Variants in ARPC1A observed in about 807,000 individuals in gnomAD.
The protein encoded by ARPC1A is actin-related protein 2/3 complex subunit 1A.
A neutral mutation model predicts 46.9 loss-of-function variants in ARPC1A; 8 were observed. The observed-to-expected ratio is 0.17, with a 90% CI of 0.10 to 0.31. The LOEUF (loss-of-function observed/expected upper bound fraction) is 0.31. Among genes scored for constraint, ARPC1A ranks in the 10% least tolerant of loss-of-function variants. The pLI, the probability that ARPC1A is intolerant of heterozygous loss-of-function variation, is 1.00. For missense variants in ARPC1A, 286 were observed against 483.6 expected (o/e 0.59, Z 3.83); for synonymous variants, 152 against 169.0 (o/e 0.90, Z 0.78).
At chr7:99,339,318 C>T (rs147612837) in intron 3 of ARPC1A, among the ~76,000 whole-genome samples, 18 of 152,224 alleles carry the variant, frequency 1.2e-4, no homozygotes, top group African/African-American at 4.1e-4. Flanking sequence ...GAGGCTGAGG[C>T]GGGAGGATCG....
intron 1 of ARPC1A, among the ~76,000 whole-genome samples, chr7:99,326,262 A>G (rs567764978): frequency 1.5e-3 from 222 of 152,236 alleles, no homozygotes; most frequent in South Asian, 5.4e-3. Flanking sequence ...CTGCGCCCCC[A>G]GGGTCCTACT....
At chr7:99,358,186 G>A (rs1384609942) in intron 6 of ARPC1A, among the ~76,000 whole-genome samples, 154 bp from the exon 7 acceptor site, 1 of 152,190 alleles carries the variant, frequency 6.6e-6, no homozygotes, top group Non-Finnish European at 1.5e-5. Flanking sequence ...TGTCTTGAGA[G>A]GCCTGCAAGT....
At chr7:99,353,838 C>G in intron 5 of ARPC1A, 71 bp from the exon 6 acceptor site, 1 of 1,426,538 alleles carries the variant, frequency 7.0e-7, no homozygotes. Flanking sequence ...CTTGTGGCAG[C>G]TGCCTATGGC....
chr7:99,364,602 G>A (rs1793800752), intron 9 of ARPC1A, among the ~76,000 whole-genome samples: 1 of 151,920 alleles, frequency 6.6e-6, no homozygotes, highest in Non-Finnish European at 1.5e-5. Context: ...AAAGTCATCC[G>A]CAGAAGAACG....
intron 7 of ARPC1A, among the ~76,000 whole-genome samples, chr7:99,359,045 A>C (rs1390105605): frequency 2.8e-5 from 4 of 144,724 alleles, no homozygotes; most frequent in African/African-American, 5.2e-5. Flanking sequence ...GTTAGCCAGG[A>C]TGGTCTCAAT....
chr7:99,358,207 G>A, intron 6 of ARPC1A, 133 bp from the exon 7 acceptor site: 1 of 817,264 alleles, frequency 1.2e-6, no homozygotes, highest in Non-Finnish European at 1.9e-6. Context: ...TGAGGTCAGG[G>A]GCTCCTTTTC....
chr7:99,350,631 CTTTTTTTTT>C (rs540737612), intron 5 of ARPC1A, among the ~76,000 whole-genome samples: 4 of 67,568 alleles, frequency 5.9e-5, no homozygotes, highest in Non-Finnish European at 9.3e-5. Flanking sequence ...ATGAGGTGCA[CTTTTTTTTT>C]TTTTTTTTTT....
intron 3 of ARPC1A, among the ~76,000 whole-genome samples, chr7:99,340,527 C>T (rs539863218): frequency 5.3e-5 from 8 of 152,250 alleles, no homozygotes; most frequent in African/African-American, 1.7e-4. Flanking sequence ...ACTACAGCCT[C>T]AACCTCTTGG....
intron 7 of ARPC1A, 175 bp downstream of exon 7, chr7:99,358,590 G>A (rs1793683120): frequency 3.4e-6 from 2 of 580,000 alleles, no homozygotes; most frequent in Admixed American, 3.3e-5. Context: ...TGCCCAGGCT[G>A]GAGTGCAATG....
intron 8 of ARPC1A, among the ~76,000 whole-genome samples, chr7:99,360,940 CAAA>C (rs34464636): frequency 1.2e-5 from 1 of 80,190 alleles, no homozygotes; most frequent in Admixed American, 1.4e-4. Flanking sequence ...GACTCCGTCT[CAAA>C]AAAAAAAAAA....
At chr7:99,362,342 T>TCCC (rs1414184210) in intron 8 of ARPC1A, among the ~76,000 whole-genome samples, 1 of 145,424 alleles carries the variant, frequency 6.9e-6, no homozygotes. Context: ...CCCCCTTTTT[T>TCCC]TTTTTTTTTT....
At chr7:99,338,844 G>A (rs1793311626) in intron 3 of ARPC1A, among the ~76,000 whole-genome samples, 1 of 152,150 alleles carries the variant, frequency 6.6e-6, no homozygotes, top group Non-Finnish European at 1.5e-5. Context: ...GGACTAAAGA[G>A]CTAAAATTAG....
intron 8 of ARPC1A, among the ~76,000 whole-genome samples, chr7:99,361,649 G>A (rs1584388247): frequency 6.6e-6 from 1 of 152,150 alleles, no homozygotes; most frequent in Admixed American, 6.6e-5. Context: ...GTTAAGGAAA[G>A]AAAAAGCTCT....
intron 6 of ARPC1A, among the ~76,000 whole-genome samples, chr7:99,357,232 T>C (rs1793651553): frequency 1.3e-5 from 2 of 152,134 alleles, no homozygotes; most frequent in Admixed American, 1.3e-4. Flanking sequence ...ACCTTTCCAC[T>C]CCTCCAACAT....
chr7:99,359,801 C>G (rs1020632763), intron 8 of ARPC1A, 63 bp downstream of exon 8: 1 of 1,567,788 alleles, frequency 6.4e-7, no homozygotes, highest in Non-Finnish European at 8.7e-7. Flanking sequence ...TCGCTGTTTC[C>G]TTACTGGGTT....
At chr7:99,333,523 A>G (rs1793184486) in intron 2 of ARPC1A, 106 bp downstream of exon 2, 3 of 963,848 alleles carry the variant, frequency 3.1e-6, no homozygotes, top group Non-Finnish European at 1.6e-6. Flanking sequence ...TGCAAAGAAC[A>G]TACATCTATT....
At chr7:99,333,478 A>G (rs892867902) in intron 2 of ARPC1A, 61 bp downstream of exon 2, 16 of 1,454,480 alleles carry the variant, frequency 1.1e-5, no homozygotes, top group Admixed American at 1.8e-5. Flanking sequence ...TCATCTTTAG[A>G]CACATTTAGG....
chr7:99,338,129 TGGTGACAA>T, intron 2 of ARPC1A, 44 bp from the exon 3 acceptor site: 11 of 1,368,142 alleles, frequency 8.0e-6, no homozygotes, highest in African/African-American at 4.3e-5. Context: ...GTCCCCTTTT[TGGTGACAA>T]TTGCAAGTTC....
intron 1 of ARPC1A, among the ~76,000 whole-genome samples, chr7:99,332,750 C>G (rs373824242): frequency 0.037 from 5,577 of 151,546 alleles, 111 homozygotes; most frequent in Admixed American, 0.049. Context: ...TACAGGCGCC[C>G]GCTACCATGC....
Sources: allele counts gnomAD v4.1 joint callset (sites outside exome capture counted in the v4.1 genomes callset), GRCh38; gene constraint gnomAD v4.1.1; transcripts MANE v1.5; gene names NCBI Gene and HGNC (gene_info 2026-07-23, HGNC 2026-07-21).